Variants in PTPRF observed in about 807,000 individuals in gnomAD.
PTPRF encodes the protein protein tyrosine phosphatase receptor type F.
In PTPRF, 59 loss-of-function variants were observed where a neutral mutation model predicts 201.8. The ratio of observed to expected loss-of-function variants is 0.29; its 90% CI spans 0.24 to 0.36. PTPRF has a LOEUF of 0.36. Among genes scored for constraint, PTPRF ranks in the 10% least tolerant of loss-of-function variants. The pLI is 1.00. For synonymous variants in PTPRF, 1,088 were observed against 1,089.7 expected (o/e 1.00, Z 0.03); for missense variants, 2,132 against 2,690.5 (o/e 0.79, Z 4.59).
At position 43,604,835 on chromosome 1, in the gene PTPRF, C is replaced by T. The variant is rs1299919723; in HGVS notation, c.3038-68C>T. 5 of 1,349,258 alleles carry T rather than the reference C, an allele frequency of 3.7e-6. No homozygotes were observed. The East Asian group carries it at 9.2e-5, about 25-fold the overall frequency. The allele number at this position is 1,349,258 out of a possible 1,614,324, so 83.6% of individuals were successfully genotyped here. On this transcript the variant is annotated intron_variant, in intron 16 of 33. Transcript: ENST00000359947. The stretch of plus-strand genomic sequence containing the variant: ...GTGTCTCATCCTGGCCATTCACCTT[C>T]CACCCTTCCAGCCCATTCACCCCAC...
upstream of PTPRF, among the ~76,000 whole-genome samples, chr1:43,526,312 C>A (rs982778892): frequency 6.6e-6 from 1 of 152,104 alleles, no homozygotes; most frequent in African/African-American, 2.4e-5. Context: ...TTAGCCAGGG[C>A]CAGGCACTGC....
intron 1 of PTPRF, among the ~76,000 whole-genome samples, chr1:43,535,434 G>A (rs1643941700): frequency 6.6e-6 from 1 of 152,180 alleles, no homozygotes; most frequent in African/African-American, 2.4e-5. Context: ...CTGTGGTCCA[G>A]ATGCACCATG....
intron 17 of PTPRF, 63 bp downstream of exon 17, chr1:43,605,063 C>G: frequency 6.3e-7 from 1 of 1,588,584 alleles, no homozygotes; most frequent in South Asian, 1.1e-5. Flanking sequence ...TGCTGTCTTT[C>G]CAGTCCTAAC....
chr1:43,530,894 T>TGGCGGCGGCAGAGGCGGCGGCAGA lies in PTPRF; in HGVS notation c.-301_-300insAGAGGCGGCGGCAGAGGCGGCGGC, dbSNP rs1300335967. ...GCTGGCGCGGGAGCGGCGGGAGCGG[T>TGGCGGCGGCAGAGGCGGCGGCAGA]GGCGGCGGCAGAGGCGGCGGCTCCA... On this transcript the variant is annotated 5_prime_UTR_variant, in exon 1 of 34. Transcript: ENST00000359947. This position sits in a 1 kb window ranked among gnomAD's most constrained non-coding sequence, Gnocchi z 4.1. The TGGCGGCGGCAGAGGCGGCGGCAGA allele has an allele frequency of 6.6e-6, 1 of 151,076 alleles. No individual in the cohort carries two copies. The highest frequency in any genetic ancestry group is 2.5e-5 in the African/African-American group (1 of 40,670). The allele number at this position is 151,076 out of a possible 1,614,324, so 9.4% of individuals were successfully genotyped here.
chr1:43,621,946 G>T lies in PTPRF; in HGVS notation c.5667G>T (p.Gln1889His). ...CCCTATCCTGGCAGGACCAGTATCA[G>T]CTGTGCTACCGTGCGGCCCTGGAGT... ...PAMVQTEDQY[Q>H]LCYRAALEYL... Residue 1889 changes from glutamine to histidine, a missense_variant, in exon 34 of 34, where the codon CAG (glutamine) becomes CAT (histidine). Physicochemically the swap from Gln to His is conservative, Grantham distance 24 (BLOSUM62 0). Around this residue, in one of 6 missense-constraint regions of PTPRF, gnomAD observed 519 missense variants for 659.5 expected, o/e 0.79. Coordinates refer to ENST00000359947, the MANE Select transcript of PTPRF (RefSeq NM_002840.5). 2 of 1,614,174 alleles carry T rather than the reference G, an allele frequency of 1.2e-6. No homozygotes were observed. The highest frequency in any genetic ancestry group is 8.5e-7 in the Non-Finnish European group (1 of 1,180,014).
intron 1 of PTPRF, chr1:43,532,577 A>G (rs775880033): frequency 1.1e-4 from 20 of 179,452 alleles, no homozygotes; most frequent in Non-Finnish European, 1.7e-4. Context: ...ATGGGGAGGA[A>G]TCTGCTGAGA....
intron 11 of PTPRF, among the ~76,000 whole-genome samples, chr1:43,593,189 CTGTCTGTG>C (rs1232018338): frequency 4.3e-5 from 6 of 139,456 alleles, no homozygotes; most frequent in Non-Finnish European, 8.3e-5. Context: ...GTCTGCAAGG[CTGTCTGTG>C]TGAGACTCTG....
intron 7 of PTPRF, among the ~76,000 whole-genome samples, chr1:43,580,584 C>T (rs1022814560): frequency 6.6e-6 from 1 of 152,220 alleles, no homozygotes; most frequent in Non-Finnish European, 1.5e-5. Context: ...CCCAAATGGC[C>T]TAGAGGAGTG....
chr1:43,572,529 G>A (rs1646644510), intron 6 of PTPRF, among the ~76,000 whole-genome samples: 1 of 152,128 alleles, frequency 6.6e-6, no homozygotes, highest in Non-Finnish European at 1.5e-5. Flanking sequence ...TGCCTGACCT[G>A]GCCTGGGACC....
At chr1:43,609,553 G>C (rs900392905) in intron 22 of PTPRF, 55 bp downstream of exon 22, 1 of 1,425,882 alleles carries the variant, frequency 7.0e-7, no homozygotes, top group Non-Finnish European at 9.8e-7. Context: ...AGGCCTGTGG[G>C]TCTGTTCTGC....
chr1:43,547,984 A>C (rs926582590), intron 3 of PTPRF, among the ~76,000 whole-genome samples: 3 of 152,224 alleles, frequency 2.0e-5, no homozygotes, highest in Admixed American at 6.5e-5. Flanking sequence ...GTGGAGGCAC[A>C]GGCTTGTGAG....
chr1:43,605,471 G>A (rs189653887), intron 18 of PTPRF, 28 bp downstream of exon 18: 302 of 1,610,534 alleles, frequency 1.9e-4, no homozygotes, highest in Admixed American at 7.5e-4. Flanking sequence ...CGGGGGAGGC[G>A]GGGCAGGGCT....
intron 24 of PTPRF, 34 bp from the exon 25 acceptor site, chr1:43,617,702 A>G: frequency 1.2e-6 from 2 of 1,604,886 alleles, no homozygotes; most frequent in Non-Finnish European, 8.5e-7. Context: ...GGGACCCTGT[A>G]GTAATGCCCT....
upstream of PTPRF, among the ~76,000 whole-genome samples, chr1:43,524,050 C>CAAAAAAAAAAAAAAAA (rs57088994): frequency 1.2e-5 from 1 of 80,668 alleles, no homozygotes; most frequent in African/African-American, 5.1e-5. Flanking sequence ...GAGACTCTGT[C>CAAAAAAAAAAAAAAAA]AAAAAAAAAA....
chr1:43,579,516 G>A, intron 7 of PTPRF: 1 of 318,538 alleles, frequency 3.1e-6, no homozygotes, highest in South Asian at 2.7e-5. Context: ...CACCTGGTGT[G>A]TTCCAGATGT....
In PTPRF at chr1:43,606,274, AGCG is replaced by A. The variant is rs747723517; in HGVS notation, c.3533_3535del (p.Arg1178del). 2.7e-5 allele frequency: 43 copies of A among 1,611,796 alleles called. No individual in the cohort carries two copies. In the East Asian group the frequency reaches 6.0e-4, roughly 23 times the overall value. On this transcript the variant is annotated inframe_deletion, in exon 20 of 34. Transcript: ENST00000359947. The stretch of plus-strand genomic sequence containing the variant: ...GCCATCGAGCAAGGCGGAGAGGAGC[AGCG>A]GCGGCGGCGGCGGCAGGCAGAACGT...
chr1:43,569,563 A>G (rs1250664237), intron 5 of PTPRF, 27 bp from the exon 6 acceptor site: 5 of 1,578,124 alleles, frequency 3.2e-6, no homozygotes, highest in Non-Finnish European at 4.3e-6. Flanking sequence ...AGCCAGCCCT[A>G]ATACACACAT....
intron 23 of PTPRF, among the ~76,000 whole-genome samples, chr1:43,615,431 C>T (rs1369560957): frequency 6.6e-6 from 1 of 152,144 alleles, no homozygotes; most frequent in Admixed American, 6.5e-5. Context: ...CCATCTTCTA[C>T]CTGCTTCCCT....
chr1:43,565,888 C>T (rs1256984003), intron 5 of PTPRF, among the ~76,000 whole-genome samples: 2 of 152,170 alleles, frequency 1.3e-5, no homozygotes, highest in African/African-American at 2.4e-5. Context: ...CGGCAGCGCC[C>T]GCCGCTCCAC....
Sources: gnomAD v4.1 joint callset for allele counts (sites outside exome capture counted in the v4.1 genomes callset) on GRCh38, gnomAD v4.1.1 for gene constraint, gnomAD v4.1.1 regional missense constraint, Gnocchi (gnomAD v3.1) non-coding constraint, MANE v1.5 for transcripts, NCBI Gene and HGNC (gene_info 2026-07-23, HGNC 2026-07-21) for gene names.